The following ZNF536 variants were observed in gnomAD, a reference collection of about 807,000 sequenced individuals.
The protein encoded by ZNF536 is zinc finger protein 536.
Under a neutral mutation model 84.5 loss-of-function variants are expected in ZNF536, and 13 were observed. The observed-to-expected ratio is 0.15, with a 90% CI of 0.10 to 0.24. The LOEUF is 0.24. Among genes scored for constraint, ZNF536 ranks in the 10% least tolerant of loss-of-function variants. The pLI is 1.00. For synonymous variants in ZNF536, 811 were observed against 742.5 expected, an observed-to-expected ratio of 1.09 and a Z score of -1.50; for missense variants, 1,536 against 1,747.5, an observed-to-expected ratio of 0.88 and a Z score of 2.16.
chr19:30,678,285 T>C (rs1303457074), intron 1 of ZNF536, among the ~76,000 whole-genome samples: 1 of 152,142 alleles, frequency 6.6e-6, no homozygotes, highest in Non-Finnish European at 1.5e-5. Context: ...TTAGGGGCAC[T>C]GTGTGCAGGG....
intron 2 of ZNF536, among the ~76,000 whole-genome samples, chr19:30,487,238 T>C (rs1770616424): frequency 6.6e-6 from 1 of 152,202 alleles, no homozygotes; most frequent in African/African-American, 2.4e-5. Flanking sequence ...AAATGTTCAT[T>C]ATAACATCGT....
intron 2 of ZNF536, among the ~76,000 whole-genome samples, chr19:30,317,222 G>A (rs2046708914): frequency 6.6e-6 from 1 of 152,140 alleles, no homozygotes; most frequent in Middle Eastern, 3.2e-3. Context: ...TCTCCCAGAA[G>A]ACAGGTGTAA....
At chr19:30,411,221 G>A (rs1053477350) in intron 1 of ZNF536, among the ~76,000 whole-genome samples, 6 of 152,168 alleles carry the variant, frequency 3.9e-5, no homozygotes, top group African/African-American at 1.2e-4. Context: ...TTGAAGAATT[G>A]CTTTCTAAAC....
chr19:30,660,212 C>T (rs1157790783), intron 1 of ZNF536, among the ~76,000 whole-genome samples: 1 of 152,200 alleles, frequency 6.6e-6, no homozygotes, highest in Admixed American at 6.5e-5. Context: ...GGAAAACCCA[C>T]ATGATGGTAA....
intron 1 of ZNF536, among the ~76,000 whole-genome samples, chr19:30,629,307 C>T (rs1020723460): frequency 1.3e-5 from 2 of 152,116 alleles, no homozygotes; most frequent in Non-Finnish European, 2.9e-5. Flanking sequence ...TCAGGTAATC[C>T]TCTTACCTCA....
intron 2 of ZNF536, among the ~76,000 whole-genome samples, chr19:30,491,095 G>A (rs1416093407): frequency 6.6e-6 from 1 of 152,166 alleles, no homozygotes; most frequent in South Asian, 2.1e-4. Context: ...GACCTTGGTT[G>A]ATGTCGCTAG....
chr19:30,262,736 TA>T (rs1190014093), intron 1 of ZNF536, among the ~76,000 whole-genome samples: 1 of 152,024 alleles, frequency 6.6e-6, no homozygotes, highest in Non-Finnish European at 1.5e-5. Flanking sequence ...GGTGGGGACA[TA>T]GGGGGACCTC....
intron 1 of ZNF536, among the ~76,000 whole-genome samples, chr19:30,574,675 C>T (rs376251630): frequency 6.6e-6 from 1 of 152,304 alleles, no homozygotes; most frequent in African/African-American, 2.4e-5. Flanking sequence ...CATGTAATCC[C>T]ATGCTGTGAA....
At chr19:30,368,681 C>T (rs369957281), upstream of ZNF536, among the ~76,000 whole-genome samples, 11 of 152,362 alleles carry the variant, frequency 7.2e-5, no homozygotes, top group East Asian at 5.8e-4. Context: ...GTGAGCCACA[C>T]AAGTTATGAG....
intron 1 of ZNF536, among the ~76,000 whole-genome samples, chr19:30,693,116 A>G (rs888607869): frequency 6.6e-6 from 1 of 151,378 alleles, no homozygotes; most frequent in Non-Finnish European, 1.5e-5. Context: ...GCTTGTCCCT[A>G]TGCCTCTCCG....
chr19:30,436,398 C>A (rs1211854975), intron 1 of ZNF536: 1 of 660,142 alleles, frequency 1.5e-6, no homozygotes, highest in Admixed American at 6.3e-5. Flanking sequence ...ACTCAGTATC[C>A]TGCCCACCCC....
chr19:30,506,480 G>A (rs1401945979), intron 2 of ZNF536, among the ~76,000 whole-genome samples: 1 of 152,196 alleles, frequency 6.6e-6, no homozygotes, highest in Non-Finnish European at 1.5e-5. Context: ...CTGTTCCCCA[G>A]TTTCATATTT....
At chr19:30,666,591 A>T (rs2050328830) in intron 1 of ZNF536, among the ~76,000 whole-genome samples, 1 of 151,976 alleles carries the variant, frequency 6.6e-6, no homozygotes, top group Admixed American at 6.6e-5. Flanking sequence ...GGGGTGTTCT[A>T]GGAACAGCTC....
At chr19:30,231,289 A>G (rs1161560770) in intron 1 of ZNF536, among the ~76,000 whole-genome samples, 2 of 152,208 alleles carry the variant, frequency 1.3e-5, no homozygotes, top group African/African-American at 4.8e-5. Context: ...CCTATCTCCA[A>G]GTGAGGCCTT....
chr19:30,404,497 C>T (rs2050185014), intron 1 of ZNF536, among the ~76,000 whole-genome samples: 1 of 152,174 alleles, frequency 6.6e-6, no homozygotes, highest in South Asian at 2.1e-4. Flanking sequence ...TATTTAACCT[C>T]TCTGTGCCTC....
chr19:30,304,049 T>TG (rs2046271999), intron 2 of ZNF536, among the ~76,000 whole-genome samples: 1 of 152,106 alleles, frequency 6.6e-6, no homozygotes, highest in African/African-American at 2.4e-5. Context: ...TGGAGCAGCG[T>TG]GGGGGAGTCC....
chr19:30,434,257 G>A (rs1048800704), intron 1 of ZNF536, among the ~76,000 whole-genome samples: 15 of 152,168 alleles, frequency 9.9e-5, no homozygotes, highest in African/African-American at 3.4e-4. Context: ...ATAATTTTTA[G>A]GGGGTGACCC....
chr19:30,604,094 TA>T (rs1010760353), intron 1 of ZNF536, among the ~76,000 whole-genome samples: 2 of 150,782 alleles, frequency 1.3e-5, no homozygotes, highest in African/African-American at 2.4e-5. Flanking sequence ...CATCTTAATT[TA>T]AAAAAAAAGT....
At chr19:30,235,707 C>A (rs1261132715) in intron 1 of ZNF536, among the ~76,000 whole-genome samples, 1 of 152,218 alleles carries the variant, frequency 6.6e-6, no homozygotes, top group Non-Finnish European at 1.5e-5. Flanking sequence ...CGATTAAAAT[C>A]TATTTAAATC....
Sources: allele counts gnomAD v4.1 joint callset (sites outside exome capture counted in the v4.1 genomes callset), GRCh38; gene constraint gnomAD v4.1.1; transcripts MANE v1.5; gene names NCBI Gene and HGNC (gene_info 2026-07-23, HGNC 2026-07-21).